SPAG16: variants seen among roughly 807,000 people sequenced by gnomAD.
SPAG16 encodes the protein sperm associated antigen 16, also known as sperm-associated antigen 16 protein.
Under a neutral mutation model 80.4 loss-of-function variants are expected in SPAG16, and 86 were observed. That is an observed-to-expected ratio of 1.07 (90% CI 0.90 to 1.28). SPAG16 has a LOEUF of 1.28. Among genes scored for constraint, SPAG16 ranks in the 50% most tolerant of loss-of-function variants. The pLI is 0.00. For missense variants in SPAG16, 870 were observed against 765.3 expected (o/e 1.14, Z -1.61); for synonymous variants, 294 against 265.9 (o/e 1.11, Z -1.03).
chr2:213,843,180 T>C (rs922276519), intron 10 of SPAG16, among the ~76,000 whole-genome samples: 13 of 152,100 alleles, frequency 8.5e-5, no homozygotes, highest in Non-Finnish European at 5.9e-5. Context: ...TAGTTACATA[T>C]GTGCCATGTG....
chr2:213,426,857 A>ACACACT, intron 9 of SPAG16, among the ~76,000 whole-genome samples: 1 of 151,024 alleles, frequency 6.6e-6, no homozygotes, highest in East Asian at 2.0e-4. Flanking sequence ...ACACACACAC[A>ACACACT]CACACACACA....
Position 213,642,442 on chromosome 2 carries a change from T to G in SPAG16, c.1070+152352T>G, listed in dbSNP as rs1229835378. On this transcript the variant is annotated intron_variant, in intron 10 of 15. Coordinates refer to ENST00000331683, the MANE Select transcript of SPAG16 (RefSeq NM_024532.5). ...ATACTGAGTGTCAGCTTGATTGCAT[T>G]GAAGGATACAAAATATTGATCCTGG... 3.9e-5 allele frequency among the ~76,000 whole-genome samples: 6 copies of G among 152,194 alleles called. No homozygotes were observed. In the South Asian group the frequency reaches 8.3e-4, roughly 21 times the overall value.
intron 13 of SPAG16, among the ~76,000 whole-genome samples, chr2:214,097,809 C>T (rs2052707394): frequency 6.6e-6 from 1 of 152,050 alleles, no homozygotes; most frequent in Non-Finnish European, 1.5e-5. Flanking sequence ...TTGCAATCTG[C>T]ATATTATGAC....
intron 15 of SPAG16, among the ~76,000 whole-genome samples, chr2:214,361,170 C>G (rs747545598): frequency 1.3e-4 from 19 of 151,834 alleles, no homozygotes; most frequent in Non-Finnish European, 2.8e-4. Context: ...GATGTTCTCT[C>G]AGCTTGAAGT....
chr2:213,746,355 C>T (rs1037686639), intron 10 of SPAG16, among the ~76,000 whole-genome samples: 3 of 152,170 alleles, frequency 2.0e-5, no homozygotes, highest in Admixed American at 2.0e-4. Context: ...CAATGATGAA[C>T]CACATATACT....
At chr2:213,629,655 A>G (rs1220652289) in intron 10 of SPAG16, among the ~76,000 whole-genome samples, 6 of 152,174 alleles carry the variant, frequency 3.9e-5, no homozygotes, top group Non-Finnish European at 8.8e-5. Flanking sequence ...CTTCAGATCT[A>G]TTCCTCATGC....
intron 10 of SPAG16, among the ~76,000 whole-genome samples, chr2:213,593,728 C>CCAT (rs960441120): frequency 7.4e-6 from 1 of 134,254 alleles, no homozygotes; most frequent in Non-Finnish European, 1.6e-5. Context: ...TTCTCATACC[C>CCAT]CATCATCCCC....
chr2:213,532,964 A>G (rs1451720361), intron 10 of SPAG16, among the ~76,000 whole-genome samples: 2 of 152,196 alleles, frequency 1.3e-5, no homozygotes, highest in Non-Finnish European at 1.5e-5. Flanking sequence ...TTCATATTTT[A>G]TAGTAAATTA....
chr2:214,333,680 C>G (rs761086112), intron 15 of SPAG16, among the ~76,000 whole-genome samples: 2 of 152,178 alleles, frequency 1.3e-5, no homozygotes, highest in Admixed American at 1.3e-4. Context: ...AGGTAACATA[C>G]CACTCTGCCA....
chr2:213,640,043 G>A (rs2062525945), intron 10 of SPAG16, among the ~76,000 whole-genome samples: 2 of 152,018 alleles, frequency 1.3e-5, no homozygotes, highest in Non-Finnish European at 2.9e-5. Context: ...AAATTTTCCA[G>A]GGTATTTTGT....
chr2:214,200,316 A>C (rs2057974439), intron 15 of SPAG16, among the ~76,000 whole-genome samples: 1 of 152,210 alleles, frequency 6.6e-6, no homozygotes, highest in Non-Finnish European at 1.5e-5. Flanking sequence ...GATTCAATCA[A>C]CTACTTTTTT....
intron 9 of SPAG16, among the ~76,000 whole-genome samples, chr2:213,437,074 G>T (rs1328305822): frequency 6.6e-6 from 1 of 151,954 alleles, no homozygotes; most frequent in Non-Finnish European, 1.5e-5. Context: ...ACCGCGCCCG[G>T]CTAATGTTTT....
intron 13 of SPAG16, among the ~76,000 whole-genome samples, chr2:214,015,135 A>G (rs1003106719): frequency 6.6e-6 from 1 of 152,160 alleles, no homozygotes; most frequent in Admixed American, 6.5e-5. Flanking sequence ...CCAAGGCTGG[A>G]GTTTTCAGCC....
In SPAG16 at chr2:214,304,688, G is replaced by A. The variant is rs1290477942; in HGVS notation, c.1721-105452G>A. On this transcript the variant is annotated intron_variant, in intron 15 of 15. Transcript: ENST00000331683. ...ATTCCTCTAGTGCCACTGCGTTAGG[G>A]TCTCCCCGACCAAGCTGGTCTCGGC... Among the ~76,000 whole-genome samples, 3 of 152,012 alleles carry A rather than the reference G, an allele frequency of 2.0e-5. No homozygotes were observed. In the East Asian group the frequency reaches 5.8e-4, roughly 29 times the overall value.
chr2:213,942,161 A>G (rs951990635), intron 12 of SPAG16, among the ~76,000 whole-genome samples: 1 of 152,116 alleles, frequency 6.6e-6, no homozygotes, highest in African/African-American at 2.4e-5. Flanking sequence ...TTGCCTGTCA[A>G]AACCCCAACT....
At chr2:214,347,161 G>A (rs1698104101) in intron 15 of SPAG16, among the ~76,000 whole-genome samples, 1 of 152,140 alleles carries the variant, frequency 6.6e-6, no homozygotes, top group Non-Finnish European at 1.5e-5. Flanking sequence ...CCCTGGCTAC[G>A]TAGCTGTGGA....
At chr2:213,457,302 T>A (rs956835814) in intron 9 of SPAG16, among the ~76,000 whole-genome samples, 8 of 152,168 alleles carry the variant, frequency 5.3e-5, no homozygotes. Flanking sequence ...AGGTTTAGAG[T>A]AGGGTGGAGA....
At chr2:213,899,329 G>T (rs1246559869) in intron 11 of SPAG16, among the ~76,000 whole-genome samples, 1 of 152,088 alleles carries the variant, frequency 6.6e-6, no homozygotes, top group Non-Finnish European at 1.5e-5. Flanking sequence ...TGCCAAGGAT[G>T]ATATCCCTTA....
rs80185491 is a variant in SPAG16 at position 214,376,298 on chromosome 2, G to C, written c.1721-33842G>C. On this transcript the variant is annotated intron_variant, in intron 15 of 15. Transcript: ENST00000331683. The stretch of plus-strand genomic sequence containing the variant: ...AGACTGTGAAATCTAAATCACCTTT[G>C]AATTGCCTCTGGGATACAGCACCTT... Among the ~76,000 whole-genome samples the C allele has an allele frequency of 5.5e-3, 841 of 152,174 alleles. 9 individuals are homozygous for C. The highest frequency in any genetic ancestry group is 0.019 in the African/African-American group (804 of 41,530).
Sources: gnomAD v4.1 joint callset for allele counts (sites outside exome capture counted in the v4.1 genomes callset) on GRCh38, gnomAD v4.1.1 for gene constraint, MANE v1.5 for transcripts, NCBI Gene and HGNC (gene_info 2026-07-23, HGNC 2026-07-21) for gene names.